The following SVIL variants were observed in gnomAD, a reference collection of about 807,000 sequenced individuals.
SVIL encodes archvillin.
A neutral mutation model predicts 240.4 loss-of-function variants in SVIL; 101 were observed. The observed-to-expected ratio is 0.42, with a 90% confidence interval of 0.36 to 0.50. SVIL has a LOEUF of 0.50. Among genes scored for constraint, SVIL ranks in the 20% least tolerant of loss-of-function variants. The probability of loss-of-function intolerance (pLI) is 0.01; values close to 1 mark genes in which losing one functional copy is unlikely to be tolerated. For missense variants in SVIL, 2,512 were observed against 2,818.7 expected (o/e 0.89, Z 2.46); for synonymous variants, 999 against 1,100.0 (o/e 0.91, Z 1.82).
At chr10:29,494,714 G>C (rs1948269879) in intron 20 of SVIL, among the ~76,000 whole-genome samples, 200 bp downstream of exon 20, 1 of 152,132 alleles carries the variant, frequency 6.6e-6, no homozygotes, top group Admixed American at 6.5e-5. Flanking sequence ...AATTCCAATT[G>C]GATGGCATCC....
intron 1 of SVIL, among the ~76,000 whole-genome samples, chr10:29,570,121 T>G (rs1812869155): frequency 1.3e-5 from 2 of 152,242 alleles, no homozygotes; most frequent in African/African-American, 4.8e-5. Flanking sequence ...ACAAAATATA[T>G]CAGATGTTGA....
chr10:29,482,156 A>G (rs1298709387), intron 27 of SVIL, among the ~76,000 whole-genome samples: 1 of 151,514 alleles, frequency 6.6e-6, no homozygotes, highest in Non-Finnish European at 1.5e-5. Flanking sequence ...AGCCTTGCAG[A>G]TAGCTGGAAC....
chr10:29,539,244 T>C (rs1387733102), intron 6 of SVIL, among the ~76,000 whole-genome samples: 1 of 152,222 alleles, frequency 6.6e-6, no homozygotes, highest in Non-Finnish European at 1.5e-5. Flanking sequence ...ATAATAAGCC[T>C]TTTAAATGCT....
At chr10:29,579,623 T>C (rs1390120125) in intron 1 of SVIL, among the ~76,000 whole-genome samples, 1 of 152,210 alleles carries the variant, frequency 6.6e-6, no homozygotes, top group East Asian at 1.9e-4. Context: ...AGGGACTGTG[T>C]AGCGCAGGTC....
intron 18 of SVIL, among the ~76,000 whole-genome samples, 195 bp from the exon 19 acceptor site, chr10:29,495,376 A>G (rs1439397445): frequency 2.0e-5 from 3 of 152,014 alleles, no homozygotes; most frequent in East Asian, 1.9e-4. Context: ...ACTGGATTTT[A>G]TTATTTCCAA....
upstream of SVIL, among the ~76,000 whole-genome samples, chr10:29,635,434 T>C (rs1958275741): frequency 6.6e-6 from 1 of 152,192 alleles, no homozygotes; most frequent in Admixed American, 6.5e-5. Flanking sequence ...TCTTCCCACT[T>C]CCAATAACTG....
At chr10:29,512,701 G>A (rs1756900367) in intron 17 of SVIL, 34 bp downstream of exon 17, 1 of 1,613,870 alleles carries the variant, frequency 6.2e-7, no homozygotes, top group Non-Finnish European at 8.5e-7. Flanking sequence ...AGTGATGTTA[G>A]TCGGAAGGCT....
intron 7 of SVIL, among the ~76,000 whole-genome samples, 187 bp from the exon 8 acceptor site, chr10:29,533,645 T>G (rs1397426031): frequency 2.0e-5 from 3 of 152,170 alleles, no homozygotes; most frequent in African/African-American, 7.2e-5. Flanking sequence ...CCAATTTGCA[T>G]ATGTATGCCC....
At chr10:29,652,469 G>A (rs1158589252) in intron 3 of SVIL, among the ~76,000 whole-genome samples, 1 of 152,114 alleles carries the variant, frequency 6.6e-6, no homozygotes, top group Non-Finnish European at 1.5e-5. Flanking sequence ...CATTTGGGTT[G>A]TTTCCATTCT....
chr10:29,585,081 TC>T (rs1238753588), intron 1 of SVIL, among the ~76,000 whole-genome samples: 1 of 126,898 alleles, frequency 7.9e-6, no homozygotes, highest in African/African-American at 2.8e-5. Context: ...TTTTTATTCT[TC>T]TTCCTTTTTT....
chr10:29,461,999 T>C (rs1333611263), intron 36 of SVIL, among the ~76,000 whole-genome samples: 1 of 152,260 alleles, frequency 6.6e-6, no homozygotes, highest in Admixed American at 6.5e-5. Context: ...TTCGCAGCTT[T>C]TATGTACATA....
At chr10:29,675,827 GC>G (rs1564753657) in intron 2 of SVIL, among the ~76,000 whole-genome samples, 1 of 152,154 alleles carries the variant, frequency 6.6e-6, no homozygotes. Context: ...CAGTCCAATT[GC>G]CCATAGAACT....
At chr10:29,475,818 T>C (rs988589855) in intron 29 of SVIL, among the ~76,000 whole-genome samples, 1 of 152,224 alleles carries the variant, frequency 6.6e-6, no homozygotes, top group Admixed American at 6.5e-5. Context: ...TCTGGTTTTA[T>C]ATCACTGCAG....
chr10:29,500,490 G>C (rs563884283), intron 17 of SVIL, among the ~76,000 whole-genome samples: 4 of 152,224 alleles, frequency 2.6e-5, no homozygotes, highest in African/African-American at 9.6e-5. Context: ...GGCCTCCTGG[G>C]TTTGCCCTCT....
intron 7 of SVIL, among the ~76,000 whole-genome samples, chr10:29,535,622 T>C (rs1302748391): frequency 6.6e-6 from 1 of 152,198 alleles, no homozygotes; most frequent in African/African-American, 2.4e-5. Context: ...GCTGAGCAGA[T>C]GGGACGCCGG....
chr10:29,681,247 G>C (rs1281289365), intron 2 of SVIL, among the ~76,000 whole-genome samples: 1 of 152,108 alleles, frequency 6.6e-6, no homozygotes, highest in Non-Finnish European at 1.5e-5. Context: ...AGAAAAGTGA[G>C]ATTTAGGGCA....
chr10:29,462,162 A>C, intron 36 of SVIL, 115 bp downstream of exon 36: 1 of 1,363,224 alleles, frequency 7.3e-7, no homozygotes, highest in Non-Finnish European at 9.8e-7. Flanking sequence ...ATGTTGCAAA[A>C]GGAAAAATAT....
intron 2 of SVIL, among the ~76,000 whole-genome samples, chr10:29,665,304 G>T (rs1343793932): frequency 6.6e-6 from 1 of 151,352 alleles, no homozygotes; most frequent in Non-Finnish European, 1.5e-5. Flanking sequence ...AAGCAATCGT[G>T]GTGTCTCAAG....
intron 3 of SVIL, among the ~76,000 whole-genome samples, chr10:29,653,676 G>T (rs959163267): frequency 6.6e-6 from 1 of 151,992 alleles, no homozygotes; most frequent in Non-Finnish European, 1.5e-5. Context: ...GAGTTTTAAG[G>T]CTTACCTTTA....
Sources: gnomAD v4.1 joint callset for allele counts (sites outside exome capture counted in the v4.1 genomes callset) on GRCh38, gnomAD v4.1.1 for gene constraint, MANE v1.5 for transcripts, NCBI Gene and HGNC (gene_info 2026-07-23, HGNC 2026-07-21) for gene names.